RPL14: variants seen among roughly 807,000 people sequenced by gnomAD.
The protein encoded by RPL14 is large ribosomal subunit protein eL14.
A neutral mutation model predicts 25.3 loss-of-function variants in RPL14; 4 were observed. That is an observed-to-expected ratio of 0.16 (90% confidence interval 0.08 to 0.36). The LOEUF (loss-of-function observed/expected upper bound fraction) is 0.36. RPL14 is among the 10% of genes least tolerant of loss of function. The probability of loss-of-function intolerance (pLI) is 1.00; values close to 1 mark genes in which losing one functional copy is unlikely to be tolerated. For missense variants in RPL14, 212 were observed against 261.9 expected, an observed-to-expected ratio of 0.81 and a Z score of 1.31; for synonymous variants, 75 against 89.8, an observed-to-expected ratio of 0.84 and a Z score of 0.93.
At position 40,457,439 on chromosome 3, in the gene RPL14, G is replaced by T. The variant is rs1287444631; in HGVS notation, c.-33G>T. 2 of 1,581,460 alleles carry T rather than the reference G, an allele frequency of 1.3e-6. No homozygotes were observed. Among genetic ancestry groups the T allele is most frequent in the African/African-American group, 1.4e-5 (1 of 73,064 alleles). On this transcript the variant is annotated 5_prime_UTR_variant, in exon 1 of 6. Coordinates refer to ENST00000396203, the MANE Select transcript of RPL14 (RefSeq NM_001034996.3). ...TCCACCTCCGCTGGGAAGCTGAGGC[G>T]CCAAACGGCTCCCAGAGGGTCCCGG...
At position 40,466,401 on chromosome 3, in the gene RPL14, C is replaced by T. The variant is rs1697028083; in HGVS notation, c.*4169C>T. ...ATACGAAAAGAATGCTGATTTCAGG[C>T]TGGGCACGGTGGCTCATGCCTTTAA... On this transcript the variant is annotated 3_prime_UTR_variant, in exon 6 of 6. Coordinates refer to ENST00000396203, the MANE Select transcript of RPL14 (RefSeq NM_001034996.3). 1 of 149,736 alleles carries T rather than the reference C, an allele frequency of 6.7e-6. No homozygotes were observed. Among genetic ancestry groups the T allele is most frequent in the South Asian group, 2.1e-4 (1 of 4,738 alleles). The allele number at this position is 149,736 out of a possible 1,614,324, so 9.3% of individuals were successfully genotyped here. A position where few individuals can be genotyped will look rare whatever the true frequency, so the allele number is the denominator to read the frequency against.
chr3:40,468,075 C>G lies in RPL14; in HGVS notation c.*5843C>G, dbSNP rs1328935317. 6.6e-6 allele frequency: 1 copy of G among 152,216 alleles called. No homozygotes were observed. The allele number at this position is 152,216 out of a possible 1,614,324, so 9.4% of individuals were successfully genotyped here. On this transcript the variant is annotated 3_prime_UTR_variant, in exon 6 of 6. Transcript: ENST00000396203. ...GAATGGGTAGACTGAGTGATCCTGACCTCGTGATCCACTCCCCAGTCTCCC... is the reference window on the plus strand; with the variant it reads ...GAATGGGTAGACTGAGTGATCCTGAGCTCGTGATCCACTCCCCAGTCTCCC...
intron 3 of RPL14, among the ~76,000 whole-genome samples, chr3:40,459,485 T>C (rs1249966465): frequency 2.0e-5 from 3 of 152,240 alleles, no homozygotes; most frequent in Admixed American, 1.3e-4. Flanking sequence ...AGTGTGTTGC[T>C]ATACAGTTAA....
At position 40,457,418 on chromosome 3, in the gene RPL14, C is replaced by T; in HGVS notation, c.-54C>T. 3.1e-6 allele frequency: 5 copies of T among 1,591,738 alleles called. No individual in the cohort carries two copies. Among genetic ancestry groups the T allele is most frequent in the Non-Finnish European group, 4.3e-6 (5 of 1,168,668 alleles). On this transcript the variant is annotated 5_prime_UTR_variant, in exon 1 of 6. Transcript: ENST00000396203. ...CGTCGACCATGCCGCTCGACCTCCA[C>T]CTCCGCTGGGAAGCTGAGGCGCCAA...
rs1376917239 is a variant in RPL14, at chr3:40,464,887, G to A, written c.*2655G>A. 6 of 210,344 alleles carry A rather than the reference G, an allele frequency of 2.9e-5. No homozygotes were observed. The East Asian group carries it at 6.3e-4, about 22-fold the overall frequency. The allele number at this position is 210,344 out of a possible 1,614,324, so 13.0% of individuals were successfully genotyped here. On this transcript the variant is annotated 3_prime_UTR_variant, in exon 6 of 6. Transcript: ENST00000396203. ...CTAGGTAAAATGAGTTAGTTTTCAT[G>A]TAGACTATCTGGGTGTATATGCAAA... is the stretch of plus-strand genomic sequence containing the variant.
In RPL14 at chr3:40,457,342, C is replaced by G. The variant is rs751047078; in HGVS notation, c.-130C>G. 6.2e-7 allele frequency: 1 copy of G among 1,603,336 alleles called. No homozygotes were observed. The highest frequency in any genetic ancestry group is 1.7e-4 in the Middle Eastern group (1 of 6,022). ...CAGGGTTGGGCGGGTCTTCTTCCTT[C>G]TCGCCTAACGCCGCCAACATGGTGA... On this transcript the variant is annotated 5_prime_UTR_variant, in exon 1 of 6. Coordinates refer to ENST00000396203, the MANE Select transcript of RPL14 (RefSeq NM_001034996.3).
Position 40,457,384 on chromosome 3 carries a change from C to T in RPL14, c.-88C>T, listed in dbSNP as rs367781470. The T allele has an allele frequency of 1.3e-4, 213 of 1,604,046 alleles. No homozygotes were observed. The highest frequency in any genetic ancestry group is 1.7e-4 in the Middle Eastern group (1 of 6,010). On this transcript the variant is annotated 5_prime_UTR_variant, in exon 1 of 6. Coordinates refer to ENST00000396203, the MANE Select transcript of RPL14 (RefSeq NM_001034996.3). ...ACATGGTGAGTCTTACTGTTGCGGG[C>T]TCCGGGGCCGTCGACCATGCCGCTC...
chr3:40,458,939 G>T, intron 3 of RPL14: 1 of 507,350 alleles, frequency 2.0e-6, no homozygotes, highest in Non-Finnish European at 3.6e-6. Context: ...ACTTTGGGAG[G>T]CCACGGTGGG....
rs1471046847 is a variant in RPL14, at chr3:40,461,978, A to C, written c.394A>C (p.Lys132Gln). The change falls in exon 6 of 6, where the codon AAG becomes CAG. Residue 132 changes from lysine to glutamine, a missense_variant. This residue lies in a region of RPL14 where 143 missense variants were observed against 180.3 expected (regional missense o/e 0.79). Transcript: ENST00000396203. ...CAAGAATGAAGTTAAGAAGCTTCAA[A>C]AGGCAGCTCTCCTGAAAGCTTCTCC... ...IIKNEVKKLQ[K>Q]AALLKASPKK... 1 of 1,606,064 alleles carries C rather than the reference A, an allele frequency of 6.2e-7. No homozygotes were observed. The highest frequency in any genetic ancestry group is 8.5e-7 in the Non-Finnish European group (1 of 1,176,572).
rs1298712251 is a variant in RPL14, at chr3:40,464,328, A to G, written c.*2096A>G. ...CTTCAGGCGTCACTGGGGTAAAGGA[A>G]AAAGCACATTGATTTGCTTGATAAT... On this transcript the variant is annotated 3_prime_UTR_variant, in exon 6 of 6. Coordinates refer to ENST00000396203, the MANE Select transcript of RPL14 (RefSeq NM_001034996.3). 1.6e-5 allele frequency: 6 copies of G among 380,026 alleles called. No individual in the cohort carries two copies. The highest frequency in any genetic ancestry group is 3.2e-5 in the Non-Finnish European group (6 of 190,320). The allele number at this position is 380,026 out of a possible 1,614,324, so 23.5% of individuals were successfully genotyped here.
intron 3 of RPL14, among the ~76,000 whole-genome samples, chr3:40,460,874 G>A (rs181704826): frequency 1.1e-3 from 161 of 151,886 alleles, no homozygotes; most frequent in Non-Finnish European, 2.0e-3. Flanking sequence ...GAGCCACTGC[G>A]CCTGGTCAAG....
At chr3:40,458,900 G>C (rs977573298) in intron 3 of RPL14, 164 bp downstream of exon 3, 9 of 626,762 alleles carry the variant, frequency 1.4e-5, no homozygotes, top group South Asian at 1.1e-4. Flanking sequence ...TCTTGCCTGC[G>C]CGTGATAGCT....
chr3:40,460,782 A>T, intron 3 of RPL14, among the ~76,000 whole-genome samples: 1 of 152,034 alleles, frequency 6.6e-6, no homozygotes, highest in East Asian at 1.9e-4. Context: ...GGGTTTCACT[A>T]TGTTGGCCAA....
chr3:40,458,396 T>G (rs1696877325), intron 2 of RPL14: 1 of 530,260 alleles, frequency 1.9e-6, no homozygotes, highest in Non-Finnish European at 3.4e-6. Context: ...TTACATGTGG[T>G]TGGTTTCTAT....
At position 40,468,505 on chromosome 3, in the gene RPL14, A is replaced by G. The variant is rs1697060683; in HGVS notation, c.*6273A>G. On this transcript the variant is annotated 3_prime_UTR_variant, in exon 6 of 6. Coordinates refer to ENST00000396203, the MANE Select transcript of RPL14 (RefSeq NM_001034996.3). The stretch of plus-strand genomic sequence containing the variant: ...TTTGGATAGCCATTAGATAGCCATT[A>G]AGTCCACTCATAGAGTTATTTTAAA... 6.6e-6 allele frequency: 1 copy of G among 152,198 alleles called. No homozygotes were observed. Among genetic ancestry groups the G allele is most frequent in the Non-Finnish European group, 1.5e-5 (1 of 68,036 alleles). The allele number at this position is 152,198 out of a possible 1,614,324, so 9.4% of individuals were successfully genotyped here. A position where few individuals can be genotyped will look rare whatever the true frequency, so the allele number is the denominator to read the frequency against.
chr3:40,458,559 C>T lies in RPL14; in HGVS notation c.106-83C>T, dbSNP rs535132859. On this transcript the variant is annotated intron_variant, in intron 2 of 5. Coordinates refer to ENST00000396203, the MANE Select transcript of RPL14 (RefSeq NM_001034996.3). ...GTAGTGTGGGTTTGATGGCCCTGAA[C>T]GGATAAGTAATGTTACAGAACCATC... is the stretch of plus-strand genomic sequence containing the variant. The T allele has an allele frequency of 2.9e-4, 305 of 1,055,012 alleles. No individual in the cohort carries two copies. In the African/African-American group the frequency reaches 4.1e-3, roughly 14 times the overall value. The allele number at this position is 1,055,012 out of a possible 1,614,324, so 65.4% of individuals were successfully genotyped here.
Position 40,461,928 on chromosome 3 carries a change from A to G in RPL14, c.355-11A>G, listed in dbSNP as rs767076678. On this transcript the variant is annotated splice_polypyrimidine_tract_variant and intron_variant, in intron 5 of 5. Transcript: ENST00000396203. ...ACACAATAAGTGCTTTCTTACATTG[A>G]TAATTTTCAGAGGAACAGAATAATC... The G allele has an allele frequency of 2.5e-6, 4 of 1,586,014 alleles. No homozygotes were observed. Among genetic ancestry groups the G allele is most frequent in the Admixed American group, 1.9e-5 (1 of 52,606 alleles).
intron 3 of RPL14, among the ~76,000 whole-genome samples, chr3:40,460,726 C>T (rs918654074): frequency 1.3e-5 from 2 of 151,742 alleles, no homozygotes; most frequent in Non-Finnish European, 2.9e-5. Flanking sequence ...GGATTATAGG[C>T]ACCTGCAACC....
At position 40,461,895 on chromosome 3, in the gene RPL14, G is replaced by A. The variant is rs762105133; in HGVS notation, c.355-44G>A. ...AAACCAGCATAAATTGGATTTTATT[G>A]TATGTATACACAATAAGTGCTTTCT... On this transcript the variant is annotated intron_variant, in intron 5 of 5. Transcript: ENST00000396203. The A allele has an allele frequency of 6.4e-6, 10 of 1,552,420 alleles. No homozygotes were observed. The East Asian group carries it at 1.8e-4, about 28-fold the overall frequency.
Sources: allele counts gnomAD v4.1 joint callset (sites outside exome capture counted in the v4.1 genomes callset), GRCh38; gene constraint gnomAD v4.1.1; regional missense constraint gnomAD v4.1.1; transcripts MANE v1.5; gene names NCBI Gene and HGNC (gene_info 2026-07-23, HGNC 2026-07-21).